Variants in DNAH5 observed in about 807,000 individuals in gnomAD.
DNAH5 encodes the protein axonemal beta dynein heavy chain 5.
DNAH5 carries 372 observed loss-of-function variants against 518.2 expected under a neutral mutation model. The ratio of observed to expected loss-of-function variants is 0.72; its 90% confidence interval spans 0.66 to 0.78. DNAH5 has a LOEUF of 0.78. DNAH5 is among the 30% of genes least tolerant of loss of function. The pLI is 0.00. For synonymous variants in DNAH5, 2,039 were observed against 2,025.9 expected (o/e 1.01, Z -0.17); for missense variants, 5,523 against 5,687.0 (o/e 0.97, Z 0.93).
intron 38 of DNAH5, among the ~76,000 whole-genome samples, chr5:13,825,346 AAAATAAATAAATAAAT>A (rs143083505): frequency 6.6e-6 from 1 of 150,508 alleles, no homozygotes; most frequent in African/African-American, 2.4e-5. Context: ...TGTCTTGCAA[AAAATAAATAAATAAAT>A]AAATAAATAA....
At chr5:13,781,111 G>A in intron 52 of DNAH5, 152 bp from the exon 53 acceptor site, 1 of 934,274 alleles carries the variant, frequency 1.1e-6, no homozygotes, top group South Asian at 1.5e-5. Flanking sequence ...GAAGGAATGA[G>A]GGCATTTCTG....
At chr5:13,701,473 G>A (rs1474980236) in intron 76 of DNAH5, 37 bp from the exon 77 acceptor site, 1 of 1,543,704 alleles carries the variant, frequency 6.5e-7, no homozygotes, top group East Asian at 2.2e-5. Flanking sequence ...ATTGATGTAA[G>A]TTTAATACTG....
rs6888955 is a variant in DNAH5 at position 13,736,949 on chromosome 5, C to A, written c.11455+303G>T. ...CTGGTGCACTAATTCCTCAGATTTC[C>A]CTAATTTGTAGTCATCAGATTTTTT... On this transcript the variant is annotated intron_variant, in intron 66 of 78. Transcript: ENST00000265104. Among the ~76,000 whole-genome samples the A allele has an allele frequency of 0.7, 105,779 of 152,080 alleles. 38,028 individuals are homozygous for A. The highest frequency in any genetic ancestry group is 0.9 in the African/African-American group (37,202 of 41,508).
chr5:13,948,985 G>A (rs958151672), upstream of DNAH5, among the ~76,000 whole-genome samples: 1 of 152,028 alleles, frequency 6.6e-6, no homozygotes, highest in African/African-American at 2.4e-5. Context: ...TCCTGGTTGA[G>A]GAAGGAATGA....
intron 21 of DNAH5, among the ~76,000 whole-genome samples, chr5:13,881,927 T>A (rs189968362): frequency 6.6e-6 from 1 of 151,982 alleles, no homozygotes. Flanking sequence ...AGTTGACAAA[T>A]CCTTAGCTAG....
At chr5:13,877,237 T>TTC (rs769837477) in intron 21 of DNAH5, among the ~76,000 whole-genome samples, 5 of 152,078 alleles carry the variant, frequency 3.3e-5, no homozygotes, top group Admixed American at 6.6e-5. Flanking sequence ...CTCCATAGAA[T>TTC]TCTCACTCTT....
In DNAH5 at chr5:13,913,923, C is replaced by T. The variant is rs144748846; in HGVS notation, c.1356G>A (p.Lys452=). 2.8e-4 allele frequency: 451 copies of T among 1,613,312 alleles called. 2 individuals carry two copies. In the African/African-American group the frequency reaches 5.3e-3, roughly 19 times the overall value. The stretch of plus-strand genomic sequence containing the variant: ...GTTTTGCATTTGGATTTTGTTTAAG[C>T]TTTTGTTTTGTCTTGTGAAAGCAGA... ...YQLCFHKTKQ[K]LKQNPNAKQF... is the part of the protein sequence containing the mutation. Residue 452 remains lysine (K), a synonymous_variant, in exon 11 of 79, where the codon AAG becomes AAA. Transcript: ENST00000265104.
chr5:13,776,110 G>T (rs1455351151), intron 55 of DNAH5, among the ~76,000 whole-genome samples: 3 of 152,260 alleles, frequency 2.0e-5, no homozygotes, highest in East Asian at 1.9e-4. Flanking sequence ...AGCAGCAAAG[G>T]GTCCAGTCAG....
At chr5:13,875,554 A>G (rs1020441700) in intron 22 of DNAH5, among the ~76,000 whole-genome samples, 6 of 150,942 alleles carry the variant, frequency 4.0e-5, no homozygotes, top group African/African-American at 1.5e-4. Context: ...TTAGATTTTC[A>G]TAATAGTGGT....
At chr5:13,851,222 T>C (rs980334558) in intron 30 of DNAH5, among the ~76,000 whole-genome samples, 2 of 152,092 alleles carry the variant, frequency 1.3e-5, no homozygotes, top group African/African-American at 4.8e-5. Flanking sequence ...AAAATAAAGA[T>C]ACAAAATTAA....
At chr5:13,931,317 A>G (rs1362859376) in intron 1 of DNAH5, 73 bp from the exon 2 acceptor site, 7 of 1,596,130 alleles carry the variant, frequency 4.4e-6, no homozygotes, top group Non-Finnish European at 6.0e-6. Flanking sequence ...ATAATTTCAT[A>G]CAATTGTTGT....
At chr5:13,793,851 A>G in intron 48 of DNAH5, 85 bp downstream of exon 48, 1 of 1,555,470 alleles carries the variant, frequency 6.4e-7, no homozygotes, top group Non-Finnish European at 8.7e-7. Flanking sequence ...AAAAAGTAAA[A>G]ACTTAAAAAA....
At chr5:13,795,234 A>G (rs1424058225) in intron 47 of DNAH5, among the ~76,000 whole-genome samples, 1 of 152,158 alleles carries the variant, frequency 6.6e-6, no homozygotes, top group South Asian at 2.1e-4. Flanking sequence ...CACACAAAAA[A>G]CCCTTCAGAA....
At position 13,841,918 on chromosome 5, in the gene DNAH5, C is replaced by CAAAAAAAAAA. The variant is rs35337694; in HGVS notation, c.5272-24_5272-15dup. The CAAAAAAAAAA allele has an allele frequency of 8.4e-6, 5 of 592,652 alleles. No individual in the cohort carries two copies. The highest frequency in any genetic ancestry group is 3.3e-5 in the East Asian group (1 of 30,282). The allele number at this position is 592,652 out of a possible 1,614,324, so 36.7% of individuals were successfully genotyped here. A position where few individuals can be genotyped will look rare whatever the true frequency, so the allele number is the denominator to read the frequency against. On this transcript the variant is annotated splice_polypyrimidine_tract_variant and intron_variant, in intron 32 of 78. Coordinates refer to ENST00000265104, the MANE Select transcript of DNAH5 (RefSeq NM_001369.3). ...TCGATCATAGATCTATGTTAGAAAC[C>CAAAAAAAAAA]AAAAAAAAAAAAAAAAAAAGCTATA...
chr5:13,703,621 C>T (rs1239830989), intron 76 of DNAH5, among the ~76,000 whole-genome samples: 2 of 152,200 alleles, frequency 1.3e-5, no homozygotes, highest in African/African-American at 4.8e-5. Context: ...CTCCCATGCT[C>T]TCATGTTAAA....
chr5:13,766,268 GAGGACAGAAAACTGTTTTAAGTTA>G, intron 58 of DNAH5, 89 bp from the exon 59 acceptor site: 1 of 1,438,576 alleles, frequency 7.0e-7, no homozygotes, highest in Non-Finnish European at 9.8e-7. Context: ...TATTTCAACA[GAGGACAGAAAACTGTTTTAAGTTA>G]GATGCAGGCC....
intron 47 of DNAH5, among the ~76,000 whole-genome samples, chr5:13,800,213 C>A (rs1758535314): frequency 6.6e-6 from 1 of 152,132 alleles, no homozygotes; most frequent in African/African-American, 2.4e-5. Flanking sequence ...GATTTTGGAG[C>A]AACTTGAATT....
intron 1 of DNAH5, among the ~76,000 whole-genome samples, chr5:13,959,989 A>G (rs1400841530): frequency 6.6e-6 from 1 of 151,962 alleles, no homozygotes; most frequent in Admixed American, 6.6e-5. Flanking sequence ...ATTCCTCATG[A>G]CTGAGTCCAG....
chr5:13,878,414 G>A (rs1771188533), intron 21 of DNAH5, among the ~76,000 whole-genome samples: 1 of 152,158 alleles, frequency 6.6e-6, no homozygotes, highest in African/African-American at 2.4e-5. Context: ...CTGGGAAGGG[G>A]CTTCTGGCAC....
Sources: gnomAD v4.1 joint callset for allele counts (sites outside exome capture counted in the v4.1 genomes callset) on GRCh38, gnomAD v4.1.1 for gene constraint, MANE v1.5 for transcripts, NCBI Gene and HGNC (gene_info 2026-07-23, HGNC 2026-07-21) for gene names.